INPP4B: variants seen among roughly 807,000 people sequenced by gnomAD.
INPP4B encodes the protein inositol polyphosphate-4-phosphatase type II B, also known as inositol polyphosphate 4-phosphatase type II.
In INPP4B, 55 loss-of-function variants were observed where a neutral mutation model predicts 122.5. The ratio of observed to expected loss-of-function variants is 0.45; its 90% CI spans 0.36 to 0.56. The LOEUF is 0.56. INPP4B is among the 20% of genes least tolerant of loss of function. The pLI is 0.00. For synonymous variants in INPP4B, 403 were observed against 388.7 expected (o/e 1.04, Z -0.43); for missense variants, 1,000 against 1,097.7 (o/e 0.91, Z 1.26).
At chr4:142,307,852 G>A (rs1764025101) in intron 8 of INPP4B, among the ~76,000 whole-genome samples, 1 of 152,158 alleles carries the variant, frequency 6.6e-6, no homozygotes, top group Admixed American at 6.5e-5. Flanking sequence ...TTGGAGGTAT[G>A]GGTGGTTTTA....
chr4:142,668,484 A>T (rs1156409252), intron 2 of INPP4B, among the ~76,000 whole-genome samples: 1 of 152,198 alleles, frequency 6.6e-6, no homozygotes, highest in African/African-American at 2.4e-5. Context: ...ACCTAGTACT[A>T]GAGTGCCTAG....
intron 16 of INPP4B, among the ~76,000 whole-genome samples, chr4:142,166,856 T>G (rs1823005391): frequency 6.6e-6 from 1 of 151,848 alleles, no homozygotes; most frequent in Non-Finnish European, 1.5e-5. Context: ...CTCATGCCAG[T>G]CAGAATGGTG....
intron 2 of INPP4B, among the ~76,000 whole-genome samples, chr4:142,491,489 A>G (rs972311771): frequency 1.3e-5 from 2 of 152,030 alleles, no homozygotes; most frequent in Non-Finnish European, 2.9e-5. Flanking sequence ...TCCCGTCTCT[A>G]TTAAAAAGAC....
At chr4:142,768,521 G>A (rs1267567534) in intron 1 of INPP4B, among the ~76,000 whole-genome samples, 1 of 152,172 alleles carries the variant, frequency 6.6e-6, no homozygotes, top group Non-Finnish European at 1.5e-5. Context: ...CCATGGAGAT[G>A]ACTGAAATCA....
At chr4:142,290,741 C>T (rs548366336) in intron 9 of INPP4B, among the ~76,000 whole-genome samples, 106 of 152,264 alleles carry the variant, frequency 7.0e-4, no homozygotes, top group Admixed American at 6.9e-3. Flanking sequence ...GAGATTGGCA[C>T]TGATCACCCA....
intron 6 of INPP4B, among the ~76,000 whole-genome samples, chr4:142,403,925 T>G (rs1802471595): frequency 3.9e-5 from 6 of 152,174 alleles, no homozygotes; most frequent in African/African-American, 7.2e-5. Flanking sequence ...AATAAGACAT[T>G]TCTTATAGTT....
intron 2 of INPP4B, among the ~76,000 whole-genome samples, chr4:142,678,456 T>C (rs1233218882): frequency 2.0e-5 from 3 of 151,878 alleles, no homozygotes; most frequent in African/African-American, 7.2e-5. Context: ...GTGTGTGTGA[T>C]CTTAAGAAAA....
chr4:142,116,982 C>A (rs1793889073), intron 21 of INPP4B, among the ~76,000 whole-genome samples: 2 of 152,076 alleles, frequency 1.3e-5, no homozygotes, highest in Non-Finnish European at 1.5e-5. Context: ...AAGGGGATAT[C>A]ACTACTGATC....
intron 2 of INPP4B, among the ~76,000 whole-genome samples, chr4:142,523,580 C>G (rs1258981764): frequency 6.6e-6 from 1 of 152,090 alleles, no homozygotes; most frequent in East Asian, 1.9e-4. Flanking sequence ...TCAGTCTCCA[C>G]TCTTCCCACA....
chr4:142,776,166 T>A (rs928838224), intron 1 of INPP4B, among the ~76,000 whole-genome samples: 4 of 152,194 alleles, frequency 2.6e-5, no homozygotes, highest in African/African-American at 9.6e-5. Flanking sequence ...TTACTATTTC[T>A]TTTCAAGATT....
intron 16 of INPP4B, among the ~76,000 whole-genome samples, chr4:142,169,388 A>C (rs1189364690): frequency 6.6e-6 from 1 of 151,672 alleles, no homozygotes; most frequent in African/African-American, 2.4e-5. Context: ...TTTGGGACTG[A>C]GATAGACCCA....
chr4:142,347,291 AACC>A (rs2151764309), intron 7 of INPP4B: 1 of 170,706 alleles, frequency 5.9e-6, no homozygotes, highest in Admixed American at 6.2e-5. Context: ...AAAATTCTTC[AACC>A]AACCTCTTAA....
At chr4:142,266,008 T>A (rs1195809541) in intron 10 of INPP4B, among the ~76,000 whole-genome samples, 1 of 152,190 alleles carries the variant, frequency 6.6e-6, no homozygotes, top group Non-Finnish European at 1.5e-5. Flanking sequence ...ATATTTAGAA[T>A]CAGAGAAAGG....
At chr4:142,674,488 T>C (rs903234531) in intron 2 of INPP4B, among the ~76,000 whole-genome samples, 3 of 152,172 alleles carry the variant, frequency 2.0e-5, no homozygotes, top group Non-Finnish European at 4.4e-5. Context: ...TTAGCAAGAA[T>C]ATTCAGGACT....
intron 2 of INPP4B, among the ~76,000 whole-genome samples, chr4:142,631,132 G>A (rs1347493428): frequency 6.6e-6 from 1 of 152,148 alleles, no homozygotes; most frequent in Middle Eastern, 3.4e-3. Context: ...ACATACAAGA[G>A]AAACAGAGTA....
At chr4:142,327,491 G>A (rs2151490194) in intron 7 of INPP4B, among the ~76,000 whole-genome samples, 1 of 151,776 alleles carries the variant, frequency 6.6e-6, no homozygotes, top group Admixed American at 6.6e-5. Flanking sequence ...TTTCAAGGTA[G>A]CTCTCCAACG....
At chr4:142,036,983 A>G (rs779909121) in intron 25 of INPP4B, among the ~76,000 whole-genome samples, 1 of 152,230 alleles carries the variant, frequency 6.6e-6, no homozygotes, top group Non-Finnish European at 1.5e-5. Flanking sequence ...TAATAACATT[A>G]GTAACTTCCT....
intron 7 of INPP4B, among the ~76,000 whole-genome samples, chr4:142,368,407 C>T (rs1364631114): frequency 1.3e-5 from 2 of 152,024 alleles, no homozygotes; most frequent in African/African-American, 4.8e-5. Context: ...GGCATCATTA[C>T]TCCCTCAGTC....
chr4:142,363,647 A>AT (rs1454872676), intron 7 of INPP4B, among the ~76,000 whole-genome samples: 1 of 152,060 alleles, frequency 6.6e-6, no homozygotes, highest in African/African-American at 2.4e-5. Flanking sequence ...TTCAAAACTC[A>AT]TTGAGTCCAG....
Sources: allele counts gnomAD v4.1 joint callset (sites outside exome capture counted in the v4.1 genomes callset), GRCh38; gene constraint gnomAD v4.1.1; transcripts MANE v1.5; gene names NCBI Gene and HGNC (gene_info 2026-07-23, HGNC 2026-07-21).